The following CADM1 variants were observed in gnomAD, a reference collection of about 807,000 sequenced individuals.
The protein encoded by CADM1 is TSLC-1.
Under a neutral mutation model 53.1 loss-of-function variants are expected in CADM1, and 15 were observed. The ratio of observed to expected loss-of-function variants is 0.28; its 90% CI spans 0.19 to 0.44. The LOEUF (loss-of-function observed/expected upper bound fraction) is 0.44. Among genes scored for constraint, CADM1 ranks in the 20% least tolerant of loss-of-function variants. The pLI, the probability that CADM1 is intolerant of heterozygous loss-of-function variation, is 1.00. For synonymous variants in CADM1, 281 were observed against 243.0 expected (o/e 1.16, Z -1.45); for missense variants, 434 against 611.3 (o/e 0.71, Z 3.06).
At position 115,295,539 on chromosome 11, in the gene CADM1, T is replaced by A. The variant is rs1565349361; in HGVS notation, c.125-55119A>T. Among the ~76,000 whole-genome samples, 7 of 94,520 alleles carry A rather than the reference T, an allele frequency of 7.4e-5. No homozygotes were observed. The East Asian group carries it at 1.7e-3, about 23-fold the overall frequency. 62.0% of individuals were successfully genotyped at this position (94,520 alleles called of 152,430 possible). A position where few individuals can be genotyped will look rare whatever the true frequency, so the allele number is the denominator to read the frequency against. ...ATATATATATATATATATATATATA[T>A]ATATATATATAATATATATGTATAT... On this transcript the variant is annotated intron_variant, in intron 1 of 11. Transcript: ENST00000331581.
At chr11:115,487,451 A>T (rs146786806) in intron 1 of CADM1, among the ~76,000 whole-genome samples, 1 of 152,192 alleles carries the variant, frequency 6.6e-6, no homozygotes, top group East Asian at 1.9e-4. Context: ...AAAATATTCT[A>T]TTAAAACATA....
intron 1 of CADM1, among the ~76,000 whole-genome samples, chr11:115,481,908 G>A (rs1247455300): frequency 6.6e-6 from 1 of 151,932 alleles, no homozygotes; most frequent in Non-Finnish European, 1.5e-5. Context: ...CTCCAGATTC[G>A]TCCTGCACCC....
chr11:115,384,233 T>G (rs552114982), intron 1 of CADM1, among the ~76,000 whole-genome samples: 2 of 152,324 alleles, frequency 1.3e-5, no homozygotes, highest in Admixed American at 1.3e-4. Context: ...TACCTTCTCC[T>G]GTTTTATTCA....
intron 1 of CADM1, among the ~76,000 whole-genome samples, chr11:115,319,273 C>A (rs11215486): frequency 0.14 from 22,010 of 152,086 alleles, 1,829 homozygotes; most frequent in African/African-American, 0.21. Context: ...GTGCCAAAAG[C>A]AGCTCTTCTT....
chr11:115,285,754 G>A (rs1238717153), intron 1 of CADM1, among the ~76,000 whole-genome samples: 1 of 152,114 alleles, frequency 6.6e-6, no homozygotes, highest in Non-Finnish European at 1.5e-5. Context: ...GTTACACCTG[G>A]AGCTTCTGAG....
In CADM1 at chr11:115,173,856, G is replaced by C; in HGVS notation, c.*2618C>G. On this transcript the variant is annotated 3_prime_UTR_variant, in exon 12 of 12. Transcript: ENST00000331581. ...GTGTGACTAAAGAACAAGCTTATTT[G>C]GCATCAATTATACATCCTTCATTAT... is the stretch of plus-strand genomic sequence containing the variant. 1 of 973,146 alleles carries C rather than the reference G, an allele frequency of 1.0e-6. No individual in the cohort carries two copies. The highest frequency in any genetic ancestry group is 1.2e-6 in the Non-Finnish European group (1 of 819,044). 60.3% of individuals were successfully genotyped at this position (973,146 alleles called of 1,614,324 possible). A position where few individuals can be genotyped will look rare whatever the true frequency, so the allele number is the denominator to read the frequency against.
chr11:115,483,108 A>G, intron 1 of CADM1, among the ~76,000 whole-genome samples: 1 of 152,234 alleles, frequency 6.6e-6, no homozygotes, highest in South Asian at 2.1e-4. Context: ...AACTATTTGA[A>G]TGAGGTGTTG....
Position 115,403,876 on chromosome 11 carries a change from C to A in CADM1, c.124+100395G>T, listed in dbSNP as rs146000670. ...CCTCCCATAGTGCTGGGATTACAGA[C>A]ATGAGACATTGTGCCCGGCCTGAAA... On this transcript the variant is annotated intron_variant, in intron 1 of 11. Coordinates refer to ENST00000331581, the MANE Select transcript of CADM1 (RefSeq NM_001301043.2). 5.8e-3 allele frequency among the ~76,000 whole-genome samples: 872 copies of A among 151,544 alleles called. 5 individuals carry two copies. Among genetic ancestry groups the A allele is most frequent in the Middle Eastern group, 0.034 (10 of 292 alleles).
intron 1 of CADM1, among the ~76,000 whole-genome samples, chr11:115,294,732 A>G (rs1944001732): frequency 6.7e-6 from 1 of 149,758 alleles, no homozygotes; most frequent in Non-Finnish European, 1.5e-5. Flanking sequence ...CTCCTCACTC[A>G]TACACAGAAT....
chr11:115,375,203 G>A (rs951299327), intron 1 of CADM1, among the ~76,000 whole-genome samples: 5 of 152,136 alleles, frequency 3.3e-5, no homozygotes, highest in African/African-American at 9.6e-5. Flanking sequence ...ATAAGAACAT[G>A]ATATTCAATA....
chr11:115,214,043 A>C (rs1340478551), intron 7 of CADM1, among the ~76,000 whole-genome samples: 1 of 135,038 alleles, frequency 7.4e-6, no homozygotes, highest in Non-Finnish European at 1.7e-5. Flanking sequence ...ATAATCCTGT[A>C]AAATGATATT....
At chr11:115,487,858 AC>A (rs1448595610) in intron 1 of CADM1, among the ~76,000 whole-genome samples, 3 of 152,356 alleles carry the variant, frequency 2.0e-5, no homozygotes, top group Middle Eastern at 3.4e-3. Context: ...CATATACTAT[AC>A]ATTAAGACAC....
intron 1 of CADM1, among the ~76,000 whole-genome samples, chr11:115,317,054 AC>A (rs1464680640): frequency 6.6e-6 from 1 of 152,210 alleles, no homozygotes; most frequent in African/African-American, 2.4e-5. Context: ...GCACACTTAA[AC>A]ACCTAGGACA....
In CADM1 at chr11:115,328,711, TATGTGTATATATATGTATATAC is replaced by T. The variant is rs1266760912; in HGVS notation, c.125-88313_125-88292del. ...ATATGTGTATATATATGTATATATA[TATGTGTATATATATGTATATAC>T]ATATATATATATATAGAATCCAATC... On this transcript the variant is annotated intron_variant, in intron 1 of 11. Transcript: ENST00000331581. Among the ~76,000 whole-genome samples, 90 of 120,150 alleles carry T rather than the reference TATGTGTATATATATGTATATAC, an allele frequency of 7.5e-4. 6 individuals carry two copies. The highest frequency in any genetic ancestry group is 2.5e-3 in the African/African-American group (83 of 32,600). 78.8% of individuals were successfully genotyped at this position (120,150 alleles called of 152,430 possible).
At chr11:115,254,273 G>T (rs750392559) in intron 1 of CADM1, among the ~76,000 whole-genome samples, 1 of 151,960 alleles carries the variant, frequency 6.6e-6, no homozygotes, top group Non-Finnish European at 1.5e-5. Flanking sequence ...GGTGCTAGGC[G>T]CTCTCACTTT....
At chr11:115,417,629 G>T (rs1947632430) in intron 1 of CADM1, among the ~76,000 whole-genome samples, 1 of 152,190 alleles carries the variant, frequency 6.6e-6, no homozygotes, top group African/African-American at 2.4e-5. Flanking sequence ...CACCAGGCAG[G>T]TGGCGTACAC....
chr11:115,487,756 T>C (rs902765979), intron 1 of CADM1, among the ~76,000 whole-genome samples: 2 of 152,206 alleles, frequency 1.3e-5, no homozygotes, highest in East Asian at 1.9e-4. Flanking sequence ...CAGGCCTACA[T>C]GTAATTGTTT....
chr11:115,267,158 C>A (rs1157734601), intron 1 of CADM1, among the ~76,000 whole-genome samples: 2 of 152,226 alleles, frequency 1.3e-5, no homozygotes, highest in Admixed American at 1.3e-4. Flanking sequence ...GTGATGTACC[C>A]AAACAAGAAA....
chr11:115,309,698 T>G (rs1944480721), intron 1 of CADM1, among the ~76,000 whole-genome samples: 1 of 152,122 alleles, frequency 6.6e-6, no homozygotes, highest in Admixed American at 6.6e-5. Flanking sequence ...AGCCGTGAGA[T>G]GTTAGTTCCG....
Sources: allele counts gnomAD v4.1 joint callset (sites outside exome capture counted in the v4.1 genomes callset), GRCh38; gene constraint gnomAD v4.1.1; transcripts MANE v1.5; gene names NCBI Gene and HGNC (gene_info 2026-07-23, HGNC 2026-07-21).